The following MAGT1 variants were observed in gnomAD, a reference collection of about 807,000 sequenced individuals.
MAGT1 encodes the protein dolichyl-diphosphooligosaccharide--protein glycosyltransferase subunit MAGT1.
MAGT1 carries 4 observed loss-of-function variants against 28.4 expected under a neutral mutation model. The ratio of observed to expected loss-of-function variants is 0.14; its 90% confidence interval spans 0.07 to 0.32. The LOEUF is 0.32. Among genes scored for constraint, MAGT1 ranks in the 10% least tolerant of loss-of-function variants. The pLI is 1.00. For missense variants in MAGT1, 193 were observed against 264.5 expected (o/e 0.73, Z 1.88); for synonymous variants, 89 against 89.7 (o/e 0.99, Z 0.04).
At chrX:77,879,570 A>ATT (rs782131121) in intron 1 of MAGT1, among the ~76,000 whole-genome samples, 2 of 111,508 alleles carry the variant, frequency 1.8e-5, no homozygotes, top group Non-Finnish European at 3.8e-5. Flanking sequence ...AGCACTTACC[A>ATT]TTTTAAGACA....
chrX:77,895,028 G>C (rs1439894369), intron 1 of MAGT1, among the ~76,000 whole-genome samples: 1 of 110,863 alleles, frequency 9.0e-6, no homozygotes, highest in East Asian at 2.8e-4. Context: ...AACACCTGAC[G>C]GGGCCCACAC....
At chrX:77,831,531 G>A (rs1217525426) in intron 8 of MAGT1, among the ~76,000 whole-genome samples, 2 of 110,528 alleles carry the variant, frequency 1.8e-5, no homozygotes, top group South Asian at 3.7e-4. Context: ...CACACTGAAA[G>A]GTTTACTGTT....
At chrX:77,878,552 C>T (rs1603364032) in intron 1 of MAGT1, among the ~76,000 whole-genome samples, 2 of 105,694 alleles carry the variant, frequency 1.9e-5, no homozygotes, top group African/African-American at 6.9e-5. Context: ...TTTAGGAGGC[C>T]GAGATGGGTA....
At chrX:77,888,668 G>C (rs2077073590) in intron 1 of MAGT1, among the ~76,000 whole-genome samples, 1 of 111,247 alleles carries the variant, frequency 9.0e-6, no homozygotes, top group Non-Finnish European at 1.9e-5. Flanking sequence ...ACGATTTAAA[G>C]CTAAAATCTG....
intron 8 of MAGT1, chrX:77,837,224 G>A (rs1299719379): frequency 1.8e-5 from 2 of 110,760 alleles, no homozygotes; most frequent in East Asian, 2.8e-4. Flanking sequence ...CACCCTGAAC[G>A]CGCCTGATCT....
Position 77,867,148 on chromosome X carries a change from T to C in MAGT1, c.390+3660A>G, listed in dbSNP as rs1032526718. ...GCATGAAATACTTTCTCTATTGCAA[T>C]TCCTCTGTCTTGATGAATTGGATCT... On this transcript the variant is annotated intron_variant, in intron 3 of 9. Transcript: ENST00000618282. Among the ~76,000 whole-genome samples, 9 of 66,194 alleles carry C rather than the reference T, an allele frequency of 1.4e-4. 4 individuals carry two copies. The highest frequency in any genetic ancestry group is 3.7e-4 in the Non-Finnish European group (9 of 24,514). The allele number at this position is 66,194 out of a possible 115,157, so 57.5% of individuals were successfully genotyped here.
intron 3 of MAGT1, among the ~76,000 whole-genome samples, chrX:77,860,863 C>A (rs1332295177): frequency 3.6e-5 from 4 of 111,175 alleles, no homozygotes; most frequent in Non-Finnish European, 7.6e-5. Context: ...TCAACAACAA[C>A]AAAAAACTTG....
rs1557217705 is a variant in MAGT1, at chrX:77,875,443, T to C, written c.257A>G (p.Gln86Arg). ...VMFTALQLHRQCVVCKQADEE... is the reference protein window; with the variant it reads ...VMFTALQLHRRCVVCKQADEE... ...GAGTTCATACTTGCAAACGACACACTGTCTATGCAGTTGGAGAGCAGTGAA... is the reference window on the plus strand; with the variant it reads ...GAGTTCATACTTGCAAACGACACACCGTCTATGCAGTTGGAGAGCAGTGAA... The change falls in exon 2 of 10, where the codon CAG becomes CGG. Residue 86 changes from glutamine to arginine, a missense_variant. Gln to Arg is a conservative substitution (Grantham distance 43). Transcript: ENST00000618282. 4.1e-6 allele frequency: 5 copies of C among 1,210,278 alleles called. No homozygotes were observed. The highest frequency in any genetic ancestry group is 1.7e-5 in the African/African-American group (1 of 57,497).
intron 9 of MAGT1, among the ~76,000 whole-genome samples, chrX:77,829,801 T>TA (rs1190368766): frequency 9.9e-5 from 11 of 111,495 alleles, no homozygotes; most frequent in African/African-American, 3.3e-4. Flanking sequence ...TTTTTAACAT[T>TA]AAAAAAAATC....
chrX:77,849,589 G>T (rs1169181982), intron 7 of MAGT1, among the ~76,000 whole-genome samples: 1 of 110,706 alleles, frequency 9.0e-6, no homozygotes, highest in Non-Finnish European at 1.9e-5. Flanking sequence ...CATCAAACTG[G>T]ACTGGGCACC....
At chrX:77,830,770 G>A (rs782696396) in intron 9 of MAGT1, 35 bp downstream of exon 9, 1 of 792,068 alleles carries the variant, frequency 1.3e-6, no homozygotes, top group South Asian at 2.7e-5. Context: ...CCAGGTATTG[G>A]TAATCACTGT....
intron 7 of MAGT1, among the ~76,000 whole-genome samples, chrX:77,845,361 T>C (rs782638991): frequency 8.9e-6 from 1 of 111,757 alleles, no homozygotes; most frequent in Non-Finnish European, 1.9e-5. Flanking sequence ...GTCTCCTGAA[T>C]ACAGCACACT....
chrX:77,873,974 C>G (rs2077026537), intron 2 of MAGT1, among the ~76,000 whole-genome samples: 2 of 109,241 alleles, frequency 1.8e-5, no homozygotes, highest in Non-Finnish European at 3.8e-5. Flanking sequence ...ACATGAGATC[C>G]CATGCATCTT....
rs782187255 is a variant in MAGT1, at chrX:77,878,306, A to G, written c.103-2709T>C. The stretch of plus-strand genomic sequence containing the variant: ...CTCTGATGCAAAAAAAAAAAAAAAA[A>G]AAAAAAGAAAAAAAAATTTAGCCGG... On this transcript the variant is annotated intron_variant, in intron 1 of 9. Coordinates refer to ENST00000618282, the MANE Select transcript of MAGT1 (RefSeq NM_001367916.1). Among the ~76,000 whole-genome samples the G allele has an allele frequency of 2.0e-4, 20 of 99,348 alleles. No homozygotes were observed. In the East Asian group the frequency reaches 3.1e-3, roughly 15 times the overall value. The allele number at this position is 99,348 out of a possible 115,157, so 86.3% of individuals were successfully genotyped here.
At position 77,888,118 on chromosome X, in the gene MAGT1, T is replaced by C. The variant is rs782698556; in HGVS notation, c.102+7191A>G. 3.6e-5 allele frequency among the ~76,000 whole-genome samples: 4 copies of C among 112,120 alleles called. No individual in the cohort carries two copies. The South Asian group carries it at 1.5e-3, about 41-fold the overall frequency. ...ATCGACTGTGCCCGGCCTCCACTAATAGTTGTTAAACATTCAAGAAAATAT... is the reference window on the plus strand; with the variant it reads ...ATCGACTGTGCCCGGCCTCCACTAACAGTTGTTAAACATTCAAGAAAATAT... On this transcript the variant is annotated intron_variant, in intron 1 of 9. Transcript: ENST00000618282.
upstream of MAGT1, chrX:77,895,540 C>T: frequency 3.6e-6 from 4 of 1,106,809 alleles, no homozygotes; most frequent in Non-Finnish European, 3.6e-6. Context: ...AGACCCCTCA[C>T]ATTACGTCAC....
At chrX:77,849,080 T>C (rs782787440) in intron 7 of MAGT1, among the ~76,000 whole-genome samples, 56 of 109,636 alleles carry the variant, frequency 5.1e-4, no homozygotes, top group Non-Finnish European at 9.1e-4. Context: ...TTTTCTTTTT[T>C]TTTTTTTTTA....
chrX:77,890,863 A>G (rs1217067513), intron 1 of MAGT1, among the ~76,000 whole-genome samples: 2 of 111,398 alleles, frequency 1.8e-5, no homozygotes, highest in Non-Finnish European at 3.8e-5. Context: ...GGGGTGGATT[A>G]AAGCATATCC....
intron 1 of MAGT1, 102 bp from the exon 2 acceptor site, chrX:77,875,699 T>A: frequency 1.1e-6 from 1 of 893,760 alleles, no homozygotes. Flanking sequence ...CAAGCAGAGG[T>A]ATACAGAAAA....
Sources: gnomAD v4.1 joint callset for allele counts (sites outside exome capture counted in the v4.1 genomes callset) on GRCh38, gnomAD v4.1.1 for gene constraint, MANE v1.5 for transcripts, NCBI Gene and HGNC (gene_info 2026-07-23, HGNC 2026-07-21) for gene names.